The following MYO3B variants were observed in gnomAD, a reference collection of about 807,000 sequenced individuals.
MYO3B encodes the protein myosin-IIIb.
In MYO3B, 156 loss-of-function variants were observed where a neutral mutation model predicts 174.6. The ratio of observed to expected loss-of-function variants is 0.89; its 90% confidence interval spans 0.78 to 1.02. The LOEUF is 1.02. MYO3B is among the 50% of genes least tolerant of loss of function. The probability of loss-of-function intolerance (pLI) is 0.00; values close to 1 mark genes in which losing one functional copy is unlikely to be tolerated. For synonymous variants in MYO3B, 563 were observed against 569.1 expected, an observed-to-expected ratio of 0.99 and a Z score of 0.15; for missense variants, 1,632 against 1,639.4, an observed-to-expected ratio of 1.00 and a Z score of 0.08.
chr2:170,438,151 G>C (rs993469072), intron 22 of MYO3B, among the ~76,000 whole-genome samples: 26 of 152,184 alleles, frequency 1.7e-4, no homozygotes, highest in African/African-American at 5.8e-4. Context: ...GACTACTTTT[G>C]ATATCTCATG....
At chr2:170,507,564 T>C (rs1368555838) in intron 28 of MYO3B, among the ~76,000 whole-genome samples, 2 of 152,010 alleles carry the variant, frequency 1.3e-5, no homozygotes, top group East Asian at 1.9e-4. Context: ...CACACCCAGC[T>C]CTTTTATTAG....
intron 34 of MYO3B, 21 bp downstream of exon 34, chr2:170,652,175 T>C: frequency 1.2e-6 from 2 of 1,610,830 alleles, no homozygotes; most frequent in Non-Finnish European, 1.7e-6. Flanking sequence ...GTCTTCTTAG[T>C]TCTAAGCAAC....
chr2:170,280,148 A>G (rs1382684029), intron 7 of MYO3B, among the ~76,000 whole-genome samples: 1 of 152,128 alleles, frequency 6.6e-6, no homozygotes, highest in East Asian at 1.9e-4. Context: ...TTTTAATAAT[A>G]GACATTCTGA....
chr2:170,590,150 A>T (rs1240943081), intron 32 of MYO3B, among the ~76,000 whole-genome samples: 1 of 152,224 alleles, frequency 6.6e-6, no homozygotes, highest in Non-Finnish European at 1.5e-5. Context: ...CCCATCATGA[A>T]GTGATATATG....
intron 32 of MYO3B, among the ~76,000 whole-genome samples, chr2:170,639,693 T>C (rs551607555): frequency 6.6e-6 from 1 of 152,316 alleles, no homozygotes; most frequent in South Asian, 2.1e-4. Flanking sequence ...CGCAGAGTTT[T>C]TGCCCTACAT....
chr2:170,345,364 T>G (rs1033681278), intron 8 of MYO3B: 1 of 152,208 alleles, frequency 6.6e-6, no homozygotes, highest in African/African-American at 2.4e-5. Flanking sequence ...TATGTGCTTT[T>G]GGGCATATGT....
At position 170,310,339 on chromosome 2, in the gene MYO3B, GA is replaced by G. The variant is rs150710546; in HGVS notation, c.750-25045del. Among the ~76,000 whole-genome samples the G allele has an allele frequency of 4.6e-3, 703 of 152,222 alleles. 5 individuals are homozygous for G. Among genetic ancestry groups the G allele is most frequent in the East Asian group, 0.036 (185 of 5,174 alleles). On this transcript the variant is annotated intron_variant, in intron 7 of 34. Coordinates refer to ENST00000408978, the MANE Select transcript of MYO3B (RefSeq NM_138995.5). ...GCAGCTTAGTTTTATACATTTTAGG[GA>G]GGCATAAGACATCAATCAAATACAT...
chr2:170,324,105 G>C (rs148439806), intron 7 of MYO3B, among the ~76,000 whole-genome samples: 1 of 152,116 alleles, frequency 6.6e-6, no homozygotes, highest in African/African-American at 2.4e-5. Flanking sequence ...GAGGCAGAGC[G>C]ACAGGAAAGA....
chr2:170,516,540 G>A (rs893382416), intron 29 of MYO3B, among the ~76,000 whole-genome samples: 7 of 151,794 alleles, frequency 4.6e-5, no homozygotes, highest in Admixed American at 3.3e-4. Context: ...CTGCTTGGGA[G>A]GCTGAGGCAG....
intron 7 of MYO3B, among the ~76,000 whole-genome samples, chr2:170,324,171 G>C (rs985810074): frequency 6.6e-6 from 1 of 152,118 alleles, no homozygotes; most frequent in Non-Finnish European, 1.5e-5. Flanking sequence ...TACAACATTG[G>C]AATCATAGGA....
Position 170,274,895 on chromosome 2 carries a change from T to G in MYO3B, c.749+38759T>G, listed in dbSNP as rs115144442. On this transcript the variant is annotated intron_variant, in intron 7 of 34. Transcript: ENST00000408978. Reference sequence around the variant, plus strand: ...CTTTTTTTGCATCATTTTACCCAATTCTTTTTCTTTTTTCCTGGGACCATA... The same window carrying G: ...CTTTTTTTGCATCATTTTACCCAATGCTTTTTCTTTTTTCCTGGGACCATA... Among the ~76,000 whole-genome samples, 1,403 of 152,300 alleles carry G rather than the reference T, an allele frequency of 9.2e-3. 19 individuals are homozygous for G. Among genetic ancestry groups the G allele is most frequent in the African/African-American group, 0.032 (1,328 of 41,542 alleles).
chr2:170,612,117 A>G (rs527348849), intron 32 of MYO3B, among the ~76,000 whole-genome samples: 1 of 152,218 alleles, frequency 6.6e-6, no homozygotes, highest in African/African-American at 2.4e-5. Context: ...TTCCCTAAAA[A>G]TCTGCACTCC....
chr2:170,490,686 T>A (rs1317093169), intron 25 of MYO3B, among the ~76,000 whole-genome samples: 1 of 152,174 alleles, frequency 6.6e-6, no homozygotes, highest in Non-Finnish European at 1.5e-5. Flanking sequence ...TTCATAGATA[T>A]TTTTTAAAAG....
intron 9 of MYO3B, among the ~76,000 whole-genome samples, chr2:170,372,998 C>G (rs1454081555): frequency 6.6e-6 from 1 of 151,978 alleles, no homozygotes; most frequent in African/African-American, 2.4e-5. Context: ...TCACCATGGG[C>G]CTAAGGAGCT....
chr2:170,317,014 A>AT (rs1288966735), intron 7 of MYO3B, among the ~76,000 whole-genome samples: 1 of 152,148 alleles, frequency 6.6e-6, no homozygotes, highest in East Asian at 1.9e-4. Flanking sequence ...TTTGTATTGC[A>AT]TTTTTGTTTA....
intron 30 of MYO3B, among the ~76,000 whole-genome samples, chr2:170,530,451 G>T (rs1288281590): frequency 6.6e-6 from 1 of 152,132 alleles, no homozygotes; most frequent in Non-Finnish European, 1.5e-5. Context: ...ATTTTTGTTT[G>T]CTTTGCAAAT....
intron 1 of MYO3B, among the ~76,000 whole-genome samples, chr2:170,184,310 A>AC (rs1239155046): frequency 7.2e-5 from 11 of 151,878 alleles, no homozygotes; most frequent in African/African-American, 2.7e-4. Context: ...ATTTTTTTGT[A>AC]CCCATTAACC....
intron 32 of MYO3B, among the ~76,000 whole-genome samples, chr2:170,583,299 T>C (rs1043056590): frequency 3.9e-5 from 6 of 151,976 alleles, no homozygotes; most frequent in African/African-American, 1.5e-4. Context: ...CCTGCTGACA[T>C]GAGGCAGAGG....
At chr2:170,302,451 A>G (rs181482114) in intron 7 of MYO3B, among the ~76,000 whole-genome samples, 1 of 152,240 alleles carries the variant, frequency 6.6e-6, no homozygotes, top group Non-Finnish European at 1.5e-5. Flanking sequence ...CTAAACAAGC[A>G]TTACTGTCCA....
Sources: gnomAD v4.1 joint callset for allele counts (sites outside exome capture counted in the v4.1 genomes callset) on GRCh38, gnomAD v4.1.1 for gene constraint, MANE v1.5 for transcripts, NCBI Gene and HGNC (gene_info 2026-07-23, HGNC 2026-07-21) for gene names.